OSBPL1A: variants seen among roughly 807,000 people sequenced by gnomAD.
OSBPL1A encodes the protein oxysterol binding protein like 1A.
A neutral mutation model predicts 137.1 loss-of-function variants in OSBPL1A; 80 were observed. That is an observed-to-expected ratio of 0.58 (90% CI 0.49 to 0.70). OSBPL1A has a LOEUF of 0.70. OSBPL1A is among the 30% of genes least tolerant of loss of function. The probability of loss-of-function intolerance (pLI) is 0.00; values close to 1 mark genes in which losing one functional copy is unlikely to be tolerated. For synonymous variants in OSBPL1A, 365 were observed against 389.7 expected, an observed-to-expected ratio of 0.94 and a Z score of 0.75; for missense variants, 970 against 1,129.4, an observed-to-expected ratio of 0.86 and a Z score of 2.02.
At chr18:24,263,140 A>G (rs2089481788) in intron 15 of OSBPL1A, among the ~76,000 whole-genome samples, 1 of 152,172 alleles carries the variant, frequency 6.6e-6, no homozygotes. Context: ...TTCTGTTTTG[A>G]CAAGTGTTTT....
At chr18:24,355,238 TCA>T (rs2091512511) in intron 4 of OSBPL1A, among the ~76,000 whole-genome samples, 1 of 151,876 alleles carries the variant, frequency 6.6e-6, no homozygotes, top group Non-Finnish European at 1.5e-5. Context: ...TTATTAAGGC[TCA>T]CGCCTGTAAC....
chr18:24,300,135 A>C (rs1409488175), intron 14 of OSBPL1A, among the ~76,000 whole-genome samples: 1 of 152,240 alleles, frequency 6.6e-6, no homozygotes, highest in Non-Finnish European at 1.5e-5. Flanking sequence ...TGAACCTTGA[A>C]TTATGTGTTC....
chr18:24,314,276 A>T lies in OSBPL1A; in HGVS notation c.942T>A (p.Pro314=). 4 of 1,609,982 alleles carry T rather than the reference A, an allele frequency of 2.5e-6. No individual in the cohort carries two copies. Among genetic ancestry groups the T allele is most frequent in the Non-Finnish European group, 3.4e-6 (4 of 1,178,510 alleles). Residue 314 remains proline (P), a synonymous_variant, in exon 12 of 28, where the codon CCT becomes CCA. Transcript: ENST00000319481. ...FDDTIHGFRV[P]KNSLQQSRED... The stretch of plus-strand genomic sequence containing the variant: ...CTCTTGACTGCTGAAGGCTATTCTT[A>T]GGAACCCGGAAGCCATGAATGGTGT...
rs201880387 is a variant in OSBPL1A, at chr18:24,256,964, C to CAAAAAAAAAAAAAAAAA, written c.1282-17599_1282-17583dup. Among the ~76,000 whole-genome samples the CAAAAAAAAAAAAAAAAA allele has an allele frequency of 1.0e-4, 3 of 29,514 alleles. 1 individual carries two copies. The highest frequency in any genetic ancestry group is 1.3e-3 in the Admixed American group (2 of 1,484). 19.4% of individuals were successfully genotyped at this position (29,514 alleles called of 152,430 possible). On this transcript the variant is annotated intron_variant, in intron 15 of 27. Transcript: ENST00000319481. ...GCTGATGAAAGAACTGAAGAGGATG[C>CAAAAAAAAAAAAAAAAA]AAAAAAAAAAAAAAAAAAAAAAAAA... is the stretch of plus-strand genomic sequence containing the variant.
intron 4 of OSBPL1A, among the ~76,000 whole-genome samples, chr18:24,363,219 C>G (rs1381522402): frequency 6.6e-6 from 1 of 152,120 alleles, no homozygotes; most frequent in East Asian, 1.9e-4. Flanking sequence ...CCTCACAGTT[C>G]TGTATTTGAG....
intron 11 of OSBPL1A, among the ~76,000 whole-genome samples, chr18:24,315,636 T>A (rs891182219): frequency 2.0e-4 from 8 of 39,078 alleles, no homozygotes; most frequent in South Asian, 5.2e-4. Flanking sequence ...ATTATATATA[T>A]TATATAGTAA....
chr18:24,293,082 C>T (rs1436614909), intron 14 of OSBPL1A, among the ~76,000 whole-genome samples: 8 of 122,198 alleles, frequency 6.5e-5, no homozygotes, highest in Non-Finnish European at 1.3e-4. Flanking sequence ...CTAGCCCAGG[C>T]GACAGAGAGG....
intron 9 of OSBPL1A, 72 bp from the exon 10 acceptor site, chr18:24,317,472 TTAAG>T (rs1241077310): frequency 8.5e-6 from 10 of 1,170,492 alleles, no homozygotes; most frequent in Admixed American, 1.7e-5. Flanking sequence ...TAAAAAGTAA[TTAAG>T]TGAGGACAGT....
intron 17 of OSBPL1A, among the ~76,000 whole-genome samples, chr18:24,216,902 C>T (rs375445478): frequency 6.6e-6 from 1 of 152,178 alleles, no homozygotes; most frequent in Admixed American, 6.5e-5. Context: ...AAATATGGCT[C>T]CTTAGAGAAA....
intron 17 of OSBPL1A, 114 bp from the exon 18 acceptor site, chr18:24,196,314 T>C (rs2087029260): frequency 1.4e-6 from 1 of 719,952 alleles, no homozygotes; most frequent in South Asian, 1.7e-5. Flanking sequence ...TTTAAAAATG[T>C]GTGTCATCAC....
rs759213694 is a variant in OSBPL1A, at chr18:24,225,150, C to T, written c.1493G>A (p.Arg498His). The T allele has an allele frequency of 3.3e-5, 53 of 1,614,042 alleles. No individual in the cohort carries two copies. The highest frequency in any genetic ancestry group is 5.3e-5 in the African/African-American group (4 of 74,914). ...ATGCTCTCCTTCCTCTTCAAAGGAG[C>T]GTGCTGTCACTGCTTCCAATCTACT... ...SLSRLEAVTA[R>H]SFEEEGEHLG... is the part of the protein sequence containing the mutation. Residue 498 changes from arginine (R) to histidine (H), a missense_variant, in exon 17 of 28, where the codon CGC (arginine) becomes CAC (histidine). Arg to His is a conservative substitution (Grantham distance 29, BLOSUM62 0). This residue lies in a region of OSBPL1A where 647 missense variants were observed against 672.6 expected (regional missense o/e 0.96). Coordinates refer to ENST00000319481, the MANE Select transcript of OSBPL1A (RefSeq NM_080597.4).
At chr18:24,391,549 C>T (rs1214243176) in intron 1 of OSBPL1A, among the ~76,000 whole-genome samples, 1 of 143,840 alleles carries the variant, frequency 7.0e-6, no homozygotes, top group African/African-American at 2.6e-5. Flanking sequence ...ACAGCAAGAC[C>T]CCAGTCTCTA....
chr18:24,215,207 G>GTC (rs1567951049), intron 17 of OSBPL1A, among the ~76,000 whole-genome samples: 2 of 151,942 alleles, frequency 1.3e-5, no homozygotes, highest in African/African-American at 4.8e-5. Flanking sequence ...CCTAAAGCAG[G>GTC]TTTTTTTTCT....
chr18:24,253,497 C>G (rs1478742488), intron 15 of OSBPL1A, among the ~76,000 whole-genome samples: 4 of 152,178 alleles, frequency 2.6e-5, no homozygotes, highest in Non-Finnish European at 5.9e-5. Context: ...AACAGGGGAA[C>G]TGCAATGGAG....
At chr18:24,345,514 C>T (rs540286157) in intron 4 of OSBPL1A, among the ~76,000 whole-genome samples, 8 of 152,110 alleles carry the variant, frequency 5.3e-5, no homozygotes, top group African/African-American at 1.4e-4. Context: ...TGGCGAAACC[C>T]GTCTCTATTA....
intron 11 of OSBPL1A, among the ~76,000 whole-genome samples, chr18:24,315,913 T>G (rs1045564893): frequency 6.6e-5 from 9 of 135,658 alleles, no homozygotes; most frequent in African/African-American, 2.5e-4. Context: ...TATTATATAA[T>G]ATTATAATTA....
In OSBPL1A at chr18:24,228,400, G is replaced by A. The variant is rs142853910; in HGVS notation, c.1445-3202C>T. Among the ~76,000 whole-genome samples, 909 of 151,810 alleles carry A rather than the reference G, an allele frequency of 6.0e-3. 8 individuals carry two copies. Among genetic ancestry groups the A allele is most frequent in the African/African-American group, 0.021 (870 of 41,366 alleles). On this transcript the variant is annotated intron_variant, in intron 16 of 27. Transcript: ENST00000319481. ...CCCCTAAAGGGCTCTAAGAAAGGTC[G>A]CTAATTACTTCCACATTGCAAAGTA...
intron 21 of OSBPL1A, among the ~76,000 whole-genome samples, chr18:24,175,527 T>C (rs549339618): frequency 6.6e-6 from 1 of 152,296 alleles, no homozygotes; most frequent in Admixed American, 6.5e-5. Flanking sequence ...ATTCTTTATA[T>C]ATTGTGGCTA....
chr18:24,368,754 A>G (rs1905373914), intron 2 of OSBPL1A, among the ~76,000 whole-genome samples: 1 of 152,210 alleles, frequency 6.6e-6, no homozygotes, highest in Non-Finnish European at 1.5e-5. Context: ...GAAAACCTGT[A>G]TCAGGAGGGT....
Sources: allele counts gnomAD v4.1 joint callset (sites outside exome capture counted in the v4.1 genomes callset), GRCh38; gene constraint gnomAD v4.1.1; regional missense constraint gnomAD v4.1.1; transcripts MANE v1.5; gene names NCBI Gene and HGNC (gene_info 2026-07-23, HGNC 2026-07-21).